Variants in KCNMB2 observed in about 807,000 individuals in gnomAD.
The protein encoded by KCNMB2 is potassium calcium-activated channel subfamily M regulatory beta subunit 2, also known as calcium-activated potassium channel subunit beta-2.
Under a neutral mutation model 24.5 loss-of-function variants are expected in KCNMB2, and 9 were observed. That is an observed-to-expected ratio of 0.37 (90% CI 0.22 to 0.64). KCNMB2 has a LOEUF of 0.64. Ranked by LOEUF, KCNMB2 falls within the 30% of genes least tolerant of loss-of-function variation. The pLI, the probability that KCNMB2 is intolerant of heterozygous loss-of-function variation, is 0.63. For missense variants in KCNMB2, 226 were observed against 284.3 expected (o/e 0.79, Z 1.47); for synonymous variants, 109 against 104.4 (o/e 1.04, Z -0.27).
chr3:178,566,602 G>GT (rs1474447076), intron 1 of KCNMB2, among the ~76,000 whole-genome samples: 1 of 151,916 alleles, frequency 6.6e-6, no homozygotes, highest in African/African-American at 2.4e-5. Context: ...CAGTTTCTCT[G>GT]TTTTTTGTTT....
intron 4 of KCNMB2, among the ~76,000 whole-genome samples, chr3:178,834,367 A>G (rs537043118): frequency 6.6e-6 from 1 of 152,346 alleles, no homozygotes; most frequent in East Asian, 1.9e-4. Flanking sequence ...TGCTCTTAAA[A>G]GAGTAAAACA....
chr3:178,606,288 T>C (rs1718267734), intron 1 of KCNMB2, among the ~76,000 whole-genome samples: 1 of 152,090 alleles, frequency 6.6e-6, no homozygotes, highest in Non-Finnish European at 1.5e-5. Context: ...TTGCCTGAGT[T>C]TCAACTGGTT....
At chr3:178,655,631 GAGTT>G (rs1720306865) in intron 1 of KCNMB2, among the ~76,000 whole-genome samples, 4 of 152,166 alleles carry the variant, frequency 2.6e-5, no homozygotes, top group Admixed American at 2.0e-4. Context: ...TGCAAGGAAA[GAGTT>G]AGCCCTGTAG....
At chr3:178,646,623 C>T (rs765951501) in intron 1 of KCNMB2, among the ~76,000 whole-genome samples, 117 of 152,164 alleles carry the variant, frequency 7.7e-4, no homozygotes, top group Non-Finnish European at 2.8e-4. Flanking sequence ...CAATCCTTTC[C>T]GACCAGCAGG....
intron 4 of KCNMB2, among the ~76,000 whole-genome samples, chr3:178,840,484 A>C (rs1299992714): frequency 2.6e-5 from 4 of 152,198 alleles, no homozygotes; most frequent in African/African-American, 9.6e-5. Context: ...TCCCTTCTGC[A>C]TTGCCCTAGC....
At chr3:178,805,276 C>A (rs1713920725) in intron 1 of KCNMB2, among the ~76,000 whole-genome samples, 2 of 152,198 alleles carry the variant, frequency 1.3e-5, no homozygotes, top group Non-Finnish European at 2.9e-5. Flanking sequence ...CAAACCTAAT[C>A]CCAGAAAGTA....
chr3:178,703,485 C>T (rs144515509), intron 1 of KCNMB2, among the ~76,000 whole-genome samples: 53 of 150,500 alleles, frequency 3.5e-4, no homozygotes, highest in African/African-American at 1.1e-3. Flanking sequence ...TATGGAGACC[C>T]TGGTAAGTCC....
chr3:178,578,510 T>A (rs1406674116), intron 1 of KCNMB2, among the ~76,000 whole-genome samples: 1 of 152,126 alleles, frequency 6.6e-6, no homozygotes, highest in African/African-American at 2.4e-5. Flanking sequence ...AATGACAGGA[T>A]CAAATTCACA....
chr3:178,746,704 C>G (rs1723681277), intron 1 of KCNMB2, among the ~76,000 whole-genome samples: 1 of 152,184 alleles, frequency 6.6e-6, no homozygotes, highest in Admixed American at 6.5e-5. Flanking sequence ...GAAACTTCTT[C>G]CACCAGATAA....
chr3:178,546,651 C>T (rs1715784493), intron 1 of KCNMB2, among the ~76,000 whole-genome samples: 1 of 152,080 alleles, frequency 6.6e-6, no homozygotes, highest in Admixed American at 6.6e-5. Context: ...CAAGAGTCAG[C>T]AGCATGTATT....
chr3:178,725,973 T>C (rs1298855089), intron 1 of KCNMB2, among the ~76,000 whole-genome samples: 1 of 151,964 alleles, frequency 6.6e-6, no homozygotes, highest in Admixed American at 6.6e-5. Flanking sequence ...TCTCCCATTT[T>C]ATTTGTTTTC....
chr3:178,561,673 T>G (rs1321582257), intron 1 of KCNMB2, among the ~76,000 whole-genome samples: 1 of 152,214 alleles, frequency 6.6e-6, no homozygotes, highest in African/African-American at 2.4e-5. Context: ...TTTGCAAAAT[T>G]CCCTGTATCA....
rs1444856245 is a variant in KCNMB2 at position 178,758,085 on chromosome 3, CAAGAGGATATATATATATACACA to C, written c.-67-49257_-67-49235del. Among the ~76,000 whole-genome samples, 4 of 71,962 alleles carry C rather than the reference CAAGAGGATATATATATATACACA, an allele frequency of 5.6e-5. 1 individual carries two copies. Among genetic ancestry groups the C allele is most frequent in the African/African-American group, 1.1e-4 (2 of 17,452 alleles). 47.2% of individuals were successfully genotyped at this position (71,962 alleles called of 152,430 possible). On this transcript the variant is annotated intron_variant, in intron 1 of 4. Transcript: ENST00000452583. ...CTCCAAGAGGATATATATATATACA[CAAGAGGATATATATATATACACA>C]CAAGAGGATATATATATGTACACAC...
chr3:178,653,310 T>C (rs1720198878), intron 1 of KCNMB2, among the ~76,000 whole-genome samples: 1 of 152,188 alleles, frequency 6.6e-6, no homozygotes, highest in Admixed American at 6.5e-5. Flanking sequence ...TAAACATTCA[T>C]ATTAGTTTTT....
chr3:178,703,514 C>CA (rs1722175576), intron 1 of KCNMB2, among the ~76,000 whole-genome samples: 2 of 133,206 alleles, frequency 1.5e-5, no homozygotes, highest in African/African-American at 6.3e-5. Flanking sequence ...CACCCACCCC[C>CA]CCAAAAAAAG....
chr3:178,769,118 G>A (rs1450438870), intron 1 of KCNMB2, among the ~76,000 whole-genome samples: 1 of 152,152 alleles, frequency 6.6e-6, no homozygotes, highest in African/African-American at 2.4e-5. Flanking sequence ...TTTTCTAAAT[G>A]TGCCTTCTTC....
chr3:178,558,333 G>T (rs1238439780), intron 1 of KCNMB2, among the ~76,000 whole-genome samples: 3 of 152,164 alleles, frequency 2.0e-5, no homozygotes, highest in African/African-American at 7.2e-5. Flanking sequence ...GCTGTCACAG[G>T]ACTTATTTTA....
chr3:178,701,987 A>G lies in KCNMB2; in HGVS notation c.-67-105356A>G, dbSNP rs113975627. ...GCTATAAAGACACATGCACACGTAC[A>G]TTTATTGCGGCACTACTCACAATAG... is the stretch of plus-strand genomic sequence containing the variant. On this transcript the variant is annotated intron_variant, in intron 1 of 4. Transcript: ENST00000452583. 1.7e-3 allele frequency among the ~76,000 whole-genome samples: 263 copies of G among 152,224 alleles called. 1 individual carries two copies. The highest frequency in any genetic ancestry group is 6.0e-3 in the African/African-American group (251 of 41,528).
chr3:178,784,532 T>C (rs1012445898), intron 1 of KCNMB2, among the ~76,000 whole-genome samples: 20 of 152,158 alleles, frequency 1.3e-4, no homozygotes, highest in African/African-American at 4.8e-4. Flanking sequence ...TAGGGCTTCC[T>C]TGGCACCCAA....
Sources: gnomAD v4.1 joint callset for allele counts (sites outside exome capture counted in the v4.1 genomes callset) on GRCh38, gnomAD v4.1.1 for gene constraint, MANE v1.5 for transcripts, NCBI Gene and HGNC (gene_info 2026-07-23, HGNC 2026-07-21) for gene names.